Variants in FABP7 observed in about 807,000 individuals in gnomAD.
FABP7 encodes fatty acid binding protein 7, also known as fatty acid-binding protein, brain.
A neutral mutation model predicts 14.2 loss-of-function variants in FABP7; 13 were observed. That is an observed-to-expected ratio of 0.91 (90% CI 0.59 to 1.45). The LOEUF (loss-of-function observed/expected upper bound fraction) is 1.45. Among genes scored for constraint, FABP7 ranks in the 40% most tolerant of loss-of-function variants. The pLI is 0.00. For synonymous variants in FABP7, 49 were observed against 51.4 expected, an observed-to-expected ratio of 0.95 and a Z score of 0.20; for missense variants, 149 against 157.6, an observed-to-expected ratio of 0.95 and a Z score of 0.29.
chr6:122,763,095 A>G, the FABP7 span, among the ~76,000 whole-genome samples: 1 of 152,232 alleles, frequency 6.6e-6, no homozygotes, highest in African/African-American at 2.4e-5. Context: ...ATCCTTAGGA[A>G]AAAGAACAAA....
At chr6:122,762,000 A>G in the FABP7 span, among the ~76,000 whole-genome samples, 1 of 151,940 alleles carries the variant, frequency 6.6e-6, no homozygotes, top group Non-Finnish European at 1.5e-5. Flanking sequence ...AAACTATTCC[A>G]ATCAATAGAA....
chr6:122,751,379 A>G, the FABP7 span, among the ~76,000 whole-genome samples: 1 of 152,176 alleles, frequency 6.6e-6, no homozygotes. Context: ...CCTATATTGC[A>G]GGTGATGGTG....
chr6:122,753,080 C>T, the FABP7 span, among the ~76,000 whole-genome samples: 2 of 152,130 alleles, frequency 1.3e-5, no homozygotes, highest in South Asian at 2.1e-4. Flanking sequence ...ATTCTGTCTG[C>T]GAGACTAACC....
At chr6:122,749,261 T>C in the FABP7 span, among the ~76,000 whole-genome samples, 3 of 152,140 alleles carry the variant, frequency 2.0e-5, no homozygotes, top group African/African-American at 7.2e-5. Context: ...TCTCCTCCCT[T>C]AAACCTGGTG....
chr6:122,771,158 A>T, the FABP7 span, among the ~76,000 whole-genome samples: 2 of 152,290 alleles, frequency 1.3e-5, no homozygotes, highest in African/African-American at 2.4e-5. Flanking sequence ...CAGGTTCCTG[A>T]TTCCCAGCTT....
In FABP7 at chr6:122,779,872, G is replaced by A. The variant is rs1780739449; in HGVS notation, c.73+5G>A. On this transcript the variant is annotated splice_donor_5th_base_variant and intron_variant, in intron 1 of 3. Transcript: ENST00000368444. ...ATGAGTACATGAAGGCTCTAGGTAG[G>A]TAACAATAAGACCGGCTGTTCTCTT... The A allele has an allele frequency of 6.2e-7, 1 of 1,613,386 alleles. No individual in the cohort carries two copies. The highest frequency in any genetic ancestry group is 2.2e-5 in the East Asian group (1 of 44,862).
chr6:122,765,506 T>C, the FABP7 span, among the ~76,000 whole-genome samples: 1 of 152,036 alleles, frequency 6.6e-6, no homozygotes, highest in African/African-American at 2.4e-5. Flanking sequence ...GTTCTTTTGA[T>C]GTCATTCTTG....
chr6:122,760,671 G>A, the FABP7 span, among the ~76,000 whole-genome samples: 4 of 151,842 alleles, frequency 2.6e-5, no homozygotes, highest in African/African-American at 9.7e-5. Context: ...TATGATTGGG[G>A]AGTGATTTAC....
At chr6:122,749,591 G>C in the FABP7 span, among the ~76,000 whole-genome samples, 1 of 152,038 alleles carries the variant, frequency 6.6e-6, no homozygotes, top group African/African-American at 2.4e-5. Context: ...CAAGATCCAG[G>C]GAATCACTTC....
At chr6:122,756,383 C>G in the FABP7 span, among the ~76,000 whole-genome samples, 1 of 152,340 alleles carries the variant, frequency 6.6e-6, no homozygotes, top group East Asian at 1.9e-4. Context: ...ACCTTCCCCT[C>G]TTCATTCTAT....
chr6:122,757,126 A>G, the FABP7 span, among the ~76,000 whole-genome samples: 2 of 152,120 alleles, frequency 1.3e-5, no homozygotes, highest in African/African-American at 4.8e-5. Context: ...TCTCTTATGA[A>G]CTCCAGACTG....
chr6:122,749,419 A>G, the FABP7 span, among the ~76,000 whole-genome samples: 1 of 152,238 alleles, frequency 6.6e-6, no homozygotes, highest in Non-Finnish European at 1.5e-5. Flanking sequence ...TAATGATAAT[A>G]GTGAAAATTA....
Position 122,780,467 on chromosome 6 carries a change from A to T in FABP7, c.246+4A>T. ...TGCAGATGATAGAAACTGTAAGGTGAGAAACTGCTTCTTCTTCAGAGTGGG... is the reference window on the plus strand; with the variant it reads ...TGCAGATGATAGAAACTGTAAGGTGTGAAACTGCTTCTTCTTCAGAGTGGG... On this transcript the variant is annotated splice_donor_region_variant and intron_variant, in intron 2 of 3. Coordinates refer to ENST00000368444, the MANE Select transcript of FABP7 (RefSeq NM_001446.5). The T allele has an allele frequency of 6.2e-7, 1 of 1,607,952 alleles. No individual in the cohort carries two copies. The highest frequency in any genetic ancestry group is 8.5e-7 in the Non-Finnish European group (1 of 1,178,596).
At chr6:122,758,500 A>G in the FABP7 span, among the ~76,000 whole-genome samples, 1,816 of 152,332 alleles carry the variant, frequency 0.012, 25 homozygotes, top group African/African-American at 0.041. Context: ...TAGGTGTTCT[A>G]TTCCTAGTGC....
intron 3 of FABP7, chr6:122,781,632 T>C (rs1347073946): frequency 2.8e-6 from 3 of 1,071,540 alleles, no homozygotes; most frequent in Non-Finnish European, 3.4e-6. Flanking sequence ...AAACAGTTTA[T>C]ATTTTAATTT....
the FABP7 span, among the ~76,000 whole-genome samples, chr6:122,757,923 A>G: frequency 1.5e-3 from 236 of 152,278 alleles, 1 homozygote; most frequent in African/African-American, 4.9e-3. Context: ...ACTAAGATTT[A>G]TATGTGGATT....
chr6:122,783,194 C>A, intron 3 of FABP7: 1 of 985,418 alleles, frequency 1.0e-6, no homozygotes, highest in Non-Finnish European at 1.2e-6. Context: ...ACCTACCTAC[C>A]TGCGTTCACA....
At chr6:122,771,316 C>T in the FABP7 span, among the ~76,000 whole-genome samples, 2 of 152,128 alleles carry the variant, frequency 1.3e-5, no homozygotes, top group Non-Finnish European at 2.9e-5. Flanking sequence ...TATATGTTGT[C>T]CTGTTTCTGT....
At chr6:122,776,282 C>A (rs1780671555), upstream of FABP7, among the ~76,000 whole-genome samples, 2 of 151,952 alleles carry the variant, frequency 1.3e-5, no homozygotes, top group South Asian at 4.2e-4. Context: ...CTGTGTTCAT[C>A]AATGGATGAA....
Sources: gnomAD v4.1 joint callset for allele counts (sites outside exome capture counted in the v4.1 genomes callset) on GRCh38, gnomAD v4.1.1 for gene constraint, MANE v1.5 for transcripts, NCBI Gene and HGNC (gene_info 2026-07-23, HGNC 2026-07-21) for gene names.